The following RPS6KA2 variants were observed in gnomAD, a reference collection of about 807,000 sequenced individuals.
The protein encoded by RPS6KA2 is ribosomal protein S6 kinase alpha-2.
A neutral mutation model predicts 91.8 loss-of-function variants in RPS6KA2; 42 were observed. The observed-to-expected ratio is 0.46, with a 90% confidence interval of 0.36 to 0.59. The LOEUF is 0.59. RPS6KA2 is among the 20% of genes least tolerant of loss of function. The probability of loss-of-function intolerance (pLI) is 0.00; values close to 1 mark genes in which losing one functional copy is unlikely to be tolerated. For missense variants in RPS6KA2, 798 were observed against 978.5 expected, an observed-to-expected ratio of 0.82 and a Z score of 2.46; for synonymous variants, 414 against 393.6, an observed-to-expected ratio of 1.05 and a Z score of -0.61.
intron 1 of RPS6KA2, among the ~76,000 whole-genome samples, chr6:166,858,956 G>A (rs1344635442): frequency 2.0e-5 from 3 of 148,596 alleles, no homozygotes; most frequent in African/African-American, 7.3e-5. Context: ...CAGCAGACAC[G>A]GGAGAGCTCC....
In RPS6KA2 at chr6:166,412,537, T is replaced by A; in HGVS notation, c.*225A>T. The A allele has an allele frequency of 2.4e-6, 1 of 408,706 alleles. No homozygotes were observed. Among genetic ancestry groups the A allele is most frequent in the Non-Finnish European group, 4.3e-6 (1 of 231,078 alleles). 25.3% of individuals were successfully genotyped at this position (408,706 alleles called of 1,614,324 possible). ...GTGAAGGGGCGCATTTGGTTTCGCT[T>A]GGGAGAAAAGAGAGCGGGCGGGGAG... On this transcript the variant is annotated 3_prime_UTR_variant, in exon 21 of 21. Coordinates refer to ENST00000265678, the MANE Select transcript of RPS6KA2 (RefSeq NM_021135.6). The surrounding 1 kb of genome is among the most constrained non-coding windows in gnomAD (Gnocchi z 4.3).
At chr6:166,427,756 G>A (rs1778979089) in intron 16 of RPS6KA2, among the ~76,000 whole-genome samples, 3 of 152,124 alleles carry the variant, frequency 2.0e-5, no homozygotes, top group Admixed American at 6.5e-5. Context: ...GGACGTGAAG[G>A]ACCTCTTCAA....
rs533941378 is a variant in RPS6KA2 at position 166,617,544 on chromosome 6, C to A, written c.99+9377G>T. Among the ~76,000 whole-genome samples the A allele has an allele frequency of 1.3e-5, 2 of 152,178 alleles. 1 individual carries two copies. The highest frequency in any genetic ancestry group is 4.1e-4 in the South Asian group (2 of 4,822). On this transcript the variant is annotated intron_variant, in intron 1 of 20. Transcript: ENST00000265678. ...CCACCTCATGCTGTTATGTGGTTCTCTCGTGGCTTCTGAGTAATTTGACTT... is the reference window on the plus strand; with the variant it reads ...CCACCTCATGCTGTTATGTGGTTCTATCGTGGCTTCTGAGTAATTTGACTT...
At chr6:166,510,169 A>T in intron 4 of RPS6KA2, 108 bp downstream of exon 4, 1 of 667,152 alleles carries the variant, frequency 1.5e-6, no homozygotes, top group South Asian at 2.0e-5. Context: ...ACTCTATGGT[A>T]TAGGAAAGAT....
chr6:166,498,576 C>G lies in RPS6KA2; in HGVS notation c.679G>C (p.Ala227Pro). 6.2e-7 allele frequency: 1 copy of G among 1,613,876 alleles called. No homozygotes were observed. Among genetic ancestry groups the G allele is most frequent in the African/African-American group, 1.3e-5 (1 of 75,012 alleles). The part of the protein sequence containing the change: ...YSFCGTIEYM[A>P]PEVVNRRGHT... ...CCTCGCCGGTTCACCACCTCGGGCG[C>G]CATGTACTCGATCGTCCCGCAGAAG... Residue 227 changes from alanine (A) to proline (P), a missense_variant, in exon 8 of 21, where the codon GCG becomes CCG. Physicochemically the swap from Ala to Pro is conservative, Grantham distance 27 (BLOSUM62 -1). Coordinates refer to ENST00000265678, the MANE Select transcript of RPS6KA2 (RefSeq NM_021135.6).
chr6:166,452,194 A>C (rs1779938817), intron 12 of RPS6KA2, among the ~76,000 whole-genome samples: 1 of 152,196 alleles, frequency 6.6e-6, no homozygotes, highest in Non-Finnish European at 1.5e-5. Context: ...AGGGAGCATA[A>C]CTGGCATAAT....
chr6:166,834,295 G>C (rs997824194), intron 2 of RPS6KA2, among the ~76,000 whole-genome samples: 1 of 152,024 alleles, frequency 6.6e-6, no homozygotes, highest in Admixed American at 6.6e-5. Flanking sequence ...TCATGATGTT[G>C]AGCATCTTTT....
chr6:166,583,070 C>T (rs940641196), intron 1 of RPS6KA2, among the ~76,000 whole-genome samples: 1 of 152,130 alleles, frequency 6.6e-6, no homozygotes, highest in East Asian at 1.9e-4. Flanking sequence ...AGCATATACA[C>T]GATAATTATT....
rs780898160 is a variant in RPS6KA2 at position 166,418,269 on chromosome 6, C to T, written c.1894G>A (p.Ala632Thr). The T allele has an allele frequency of 2.5e-6, 4 of 1,614,048 alleles. No individual in the cohort carries two copies. Among genetic ancestry groups the T allele is most frequent in the African/African-American group, 1.3e-5 (1 of 75,026 alleles). The change falls in exon 19 of 21, where the codon GCC becomes ACC. Residue 632 changes from alanine to threonine, a missense_variant. Physicochemically the swap from Ala to Thr is moderately conservative, Grantham distance 58. Coordinates refer to ENST00000265678, the MANE Select transcript of RPS6KA2 (RefSeq NM_021135.6). This position sits in a 1 kb window ranked among gnomAD's most constrained non-coding sequence, Gnocchi z 4.9. ...ILARIGSGKY[A>T]LSGGNWDSIS... is the part of the protein sequence containing the mutation. The stretch of plus-strand genomic sequence containing the variant: ...GAGTCCCAGTTTCCCCCAGAAAGGG[C>T]ATACTTCCCACTGCCGATCCGCGCC...
chr6:166,706,760 C>T (rs983537706), intron 2 of RPS6KA2, among the ~76,000 whole-genome samples: 10 of 152,144 alleles, frequency 6.6e-5, no homozygotes, highest in African/African-American at 2.4e-4. Flanking sequence ...ATATCACACG[C>T]ACAGCCTGTT....
At chr6:166,430,755 G>C (rs1779100739) in intron 15 of RPS6KA2, 144 bp from the exon 16 acceptor site, 3 of 748,694 alleles carry the variant, frequency 4.0e-6, no homozygotes, top group Non-Finnish European at 6.3e-6. Context: ...GGCTTCTGCA[G>C]GGTAGAAGCA....
At position 166,521,983 on chromosome 6, in the gene RPS6KA2, C is replaced by T. The variant is rs1052885654; in HGVS notation, c.298+9249G>A. On this transcript the variant is annotated intron_variant, in intron 3 of 20. Coordinates refer to ENST00000265678, the MANE Select transcript of RPS6KA2 (RefSeq NM_021135.6). ...GAGACCCCAGAGAGCTCATTCATGC[C>T]TTCCATCAAGTGAGGACACAGCCAG... Among the ~76,000 whole-genome samples, 6 of 152,172 alleles carry T rather than the reference C, an allele frequency of 3.9e-5. No individual in the cohort carries two copies. The East Asian group carries it at 7.7e-4, about 20-fold the overall frequency.
chr6:166,457,847 G>C (rs1780152933), intron 12 of RPS6KA2, among the ~76,000 whole-genome samples: 1 of 152,178 alleles, frequency 6.6e-6, no homozygotes, highest in Non-Finnish European at 1.5e-5. Context: ...TCATCTACCT[G>C]ACATTTTGTG....
intron 2 of RPS6KA2, among the ~76,000 whole-genome samples, chr6:166,766,884 C>T (rs1778325538): frequency 6.6e-6 from 1 of 152,238 alleles, no homozygotes; most frequent in Non-Finnish European, 1.5e-5. Flanking sequence ...CTGGAAGCTT[C>T]CCTTGGCACC....
At chr6:166,824,155 C>G (rs1304470057) in intron 2 of RPS6KA2, among the ~76,000 whole-genome samples, 1 of 152,120 alleles carries the variant, frequency 6.6e-6, no homozygotes, top group Non-Finnish European at 1.5e-5. Flanking sequence ...ACACACATCT[C>G]TTTGCACCCA....
intron 1 of RPS6KA2, among the ~76,000 whole-genome samples, chr6:166,546,522 C>A (rs973216030): frequency 6.7e-6 from 1 of 148,784 alleles, no homozygotes; most frequent in Non-Finnish European, 1.5e-5. Context: ...TAGTATGAAA[C>A]TGCACTAAGA....
chr6:166,734,855 C>T (rs932298933), intron 2 of RPS6KA2, among the ~76,000 whole-genome samples: 4 of 152,268 alleles, frequency 2.6e-5, no homozygotes, highest in African/African-American at 9.6e-5. Context: ...ACATCCTCAC[C>T]TTTACCATGA....
At chr6:166,819,270 C>A (rs1779844625) in intron 2 of RPS6KA2, among the ~76,000 whole-genome samples, 1 of 152,196 alleles carries the variant, frequency 6.6e-6, no homozygotes, top group African/African-American at 2.4e-5. Flanking sequence ...ACAAGGTAAG[C>A]AAATATATAA....
chr6:166,586,383 C>T (rs893837305), intron 1 of RPS6KA2: 132 of 1,599,596 alleles, frequency 8.3e-5, no homozygotes, highest in Middle Eastern at 3.3e-4. Context: ...CTCAGGAGGG[C>T]GTTTCAGGTA....
Sources: allele counts gnomAD v4.1 joint callset (sites outside exome capture counted in the v4.1 genomes callset), GRCh38; gene constraint gnomAD v4.1.1; non-coding constraint Gnocchi (gnomAD v3.1); transcripts MANE v1.5; gene names NCBI Gene and HGNC (gene_info 2026-07-23, HGNC 2026-07-21).